Variants in FAT1 observed in about 807,000 individuals in gnomAD.
FAT1 encodes protocadherin Fat 1.
A neutral mutation model predicts 329.8 loss-of-function variants in FAT1; 171 were observed. The observed-to-expected ratio is 0.52, with a 90% CI of 0.46 to 0.59. The LOEUF (loss-of-function observed/expected upper bound fraction) is 0.59. Among genes scored for constraint, FAT1 ranks in the 20% least tolerant of loss-of-function variants. The pLI is 0.00. For missense variants in FAT1, 5,672 were observed against 5,774.4 expected (o/e 0.98, Z 0.57); for synonymous variants, 2,233 against 2,228.6 (o/e 1.00, Z -0.06).
rs1387437743 is a variant in FAT1 at position 186,618,709 on chromosome 4, C to T, written c.7877G>A (p.Gly2626Asp). Residue 2626 changes from glycine to aspartate, a missense_variant, in exon 10 of 27, where the codon GGC becomes GAC. Gly to Asp is a moderately conservative substitution (Grantham distance 94, BLOSUM62 -1). Around this residue, in one of 2 missense-constraint regions of FAT1, gnomAD observed 3,966 missense variants for 3,915.2 expected, o/e 1.01. Transcript: ENST00000441802. ...VKVLASDADE[G>D]SNADITYAIE... ...GGCATAGGTGATGTCGGCATTGGAGCCCTCATCGGCATCACTTGCAAGAAC... is the reference window on the plus strand; with the variant it reads ...GGCATAGGTGATGTCGGCATTGGAGTCCTCATCGGCATCACTTGCAAGAAC... 1 of 1,613,864 alleles carries T rather than the reference C, an allele frequency of 6.2e-7. No homozygotes were observed. The highest frequency in any genetic ancestry group is 2.2e-5 in the East Asian group (1 of 44,896).
At position 186,611,793 on chromosome 4, in the gene FAT1, C is replaced by T. The variant is rs1173651857; in HGVS notation, c.9464-18G>A. On this transcript the variant is annotated intron_variant, in intron 13 of 26. Coordinates refer to ENST00000441802, the MANE Select transcript of FAT1 (RefSeq NM_005245.4). ...ATTTAATCCTATGAAGACATAAAAA[C>T]ATGTCAAAAGATTTTAAATAAAAAA... 1 of 1,510,548 alleles carries T rather than the reference C, an allele frequency of 6.6e-7. No homozygotes were observed. The highest frequency in any genetic ancestry group is 2.4e-5 in the East Asian group (1 of 41,146). 93.6% of individuals were successfully genotyped at this position (1,510,548 alleles called of 1,614,324 possible).
At chr4:186,628,841 G>A in intron 7 of FAT1, 78 bp from the exon 8 acceptor site, 1 of 1,389,794 alleles carries the variant, frequency 7.2e-7, no homozygotes, top group Non-Finnish European at 9.7e-7. Flanking sequence ...ATGAACGAAA[G>A]TCATGTATAT....
At chr4:186,661,321 G>C (rs1026866329) in intron 3 of FAT1, among the ~76,000 whole-genome samples, 2 of 152,222 alleles carry the variant, frequency 1.3e-5, no homozygotes, top group African/African-American at 4.8e-5. Flanking sequence ...CCTCATTCCA[G>C]AGAGGGTCCC....
At position 186,620,258 on chromosome 4, in the gene FAT1, T is replaced by C. The variant is rs2126513905; in HGVS notation, c.6328A>G (p.Ser2110Gly). Reference sequence around the variant, plus strand: ...TAATGCACTTCCCCGTTTCTGCCACTGTCTCTGTCTACAGCAGTGACATAG... The same window carrying C: ...TAATGCACTTCCCCGTTTCTGCCACCGTCTCTGTCTACAGCAGTGACATAG... ...IRYVTAVDRD[S>G]GRNGEVHYYL... The change falls in exon 10 of 27, where the codon AGT (serine) becomes GGT (glycine). Residue 2110 changes from serine (S) to glycine (G), a missense_variant. By Grantham distance (56) the Ser-to-Gly change is moderately conservative. Around this residue, in one of 2 missense-constraint regions of FAT1, gnomAD observed 3,966 missense variants for 3,915.2 expected, o/e 1.01. Coordinates refer to ENST00000441802, the MANE Select transcript of FAT1 (RefSeq NM_005245.4). The C allele has an allele frequency of 1.9e-6, 3 of 1,614,028 alleles. No individual in the cohort carries two copies. Among genetic ancestry groups the C allele is most frequent in the African/African-American group, 1.3e-5 (1 of 75,050 alleles).
At chr4:186,722,950 T>A (rs926262889) in intron 1 of FAT1, among the ~76,000 whole-genome samples, 4 of 152,052 alleles carry the variant, frequency 2.6e-5, no homozygotes, top group African/African-American at 9.7e-5. Flanking sequence ...TCCTAACTCA[T>A]ACAATTGCGT....
rs757470084 is a variant in FAT1 at position 186,619,321 on chromosome 4, A to G, written c.7265T>C (p.Ile2422Thr). Residue 2422 changes from isoleucine to threonine, a missense_variant, in exon 10 of 27, where the codon ATA (isoleucine) becomes ACA (threonine). Physicochemically the swap from Ile to Thr is moderately conservative, Grantham distance 89. Around this residue, in one of 2 missense-constraint regions of FAT1, gnomAD observed 3,966 missense variants for 3,915.2 expected, o/e 1.01. Transcript: ENST00000441802. ...CAGAATGGAATACTGCAACTTGTCTATGTCTGAACTGTCTGCATCATAGGC... is the reference window on the plus strand; with the variant it reads ...CAGAATGGAATACTGCAACTTGTCTGTGTCTGAACTGTCTGCATCATAGGC... Reference protein sequence around the residue: ...VKAYDADSSDIDKLQYSILSG... With the variant: ...VKAYDADSSDTDKLQYSILSG... The G allele has an allele frequency of 2.5e-6, 4 of 1,614,022 alleles. No individual in the cohort carries two copies. The Admixed American group carries it at 5.0e-5, about 20-fold the overall frequency.
chr4:186,588,715 G>T lies in FAT1; in HGVS notation c.13644C>A (p.Asp4548Glu), dbSNP rs779949968. ...SVYASTASCS[D>E]VSACCEVESE... ...ACTCCACTTCGCAGCAGGCTGACACGTCAGAGCAGGAGGCGGTGGAGGCGT... is the reference window on the plus strand; with the variant it reads ...ACTCCACTTCGCAGCAGGCTGACACTTCAGAGCAGGAGGCGGTGGAGGCGT... Residue 4548 changes from aspartate (D) to glutamate (E), a missense_variant, in exon 27 of 27, where the codon GAC becomes GAA. Transcript: ENST00000441802. 1.2e-6 allele frequency: 2 copies of T among 1,613,850 alleles called. No homozygotes were observed. The highest frequency in any genetic ancestry group is 2.7e-5 in the African/African-American group (2 of 74,904).
rs772868178 is a variant in FAT1, at chr4:186,620,741, C to G, written c.5845G>C (p.Glu1949Gln). 1.2e-6 allele frequency: 2 copies of G among 1,613,990 alleles called. No individual in the cohort carries two copies. Among genetic ancestry groups the G allele is most frequent in the Non-Finnish European group, 1.7e-6 (2 of 1,179,880 alleles). ...CCATCGGAAGCTCTAACGGTTAGCT[C>G]GTAGCGGCTTCTTAACTGAGTTGTG... ...QNTTQLRSRY[E>Q]LTVRASDGRF... The change falls in exon 10 of 27, where the codon GAG becomes CAG. Residue 1949 changes from glutamate (E) to glutamine (Q), a missense_variant. By Grantham distance (29) the Glu-to-Gln change is conservative. Transcript: ENST00000441802.
At chr4:186,672,253 TTA>T (rs1186430753) in intron 2 of FAT1, among the ~76,000 whole-genome samples, 1 of 152,148 alleles carries the variant, frequency 6.6e-6, no homozygotes, top group African/African-American at 2.4e-5. Flanking sequence ...TATAAATATT[TTA>T]TGTTTTTGAT....
At chr4:186,631,117 G>A (rs987466100) in intron 7 of FAT1, among the ~76,000 whole-genome samples, 4 of 152,102 alleles carry the variant, frequency 2.6e-5, no homozygotes, top group Admixed American at 2.6e-4. Context: ...TTCTCAAATC[G>A]GCATCTGCTG....
rs957371869 is a variant in FAT1, at chr4:186,596,418, C to T, written c.13000+122G>A. ...TCCAAAAAAGTTTCAAATCATCATA[C>T]GGATTTCAGTCTGAGCATACTTGTC... On this transcript the variant is annotated intron_variant, in intron 25 of 26. Transcript: ENST00000441802. The surrounding 1 kb of genome is among the most constrained non-coding windows in gnomAD (Gnocchi z 4.7). The T allele has an allele frequency of 1.1e-5, 12 of 1,123,306 alleles. No homozygotes were observed. The highest frequency in any genetic ancestry group is 5.1e-5 in the East Asian group (2 of 39,388). The allele number at this position is 1,123,306 out of a possible 1,614,324, so 69.6% of individuals were successfully genotyped here. A position where few individuals can be genotyped will look rare whatever the true frequency, so the allele number is the denominator to read the frequency against.
At position 186,619,869 on chromosome 4, in the gene FAT1, T is replaced by A. The variant is rs1560941442; in HGVS notation, c.6717A>T (p.Ile2239=). 1 of 1,613,984 alleles carries A rather than the reference T, an allele frequency of 6.2e-7. No individual in the cohort carries two copies. The highest frequency in any genetic ancestry group is 1.1e-5 in the South Asian group (1 of 91,078). The stretch of plus-strand genomic sequence containing the variant: ...GGTGGGCCTCAAAGTCCAGAGGAGC[T>A]ATGACATTGATAACTCCAGTATTGA... The part of the protein sequence containing the change: ...INFNTGVINV[I]APLDFEAHPA... The change falls in exon 10 of 27, where the codon ATA becomes ATT. Residue 2239 remains isoleucine, a synonymous_variant. Transcript: ENST00000441802.
At position 186,707,137 on chromosome 4, in the gene FAT1, G is replaced by C. The variant is rs1579484427; in HGVS notation, c.2691C>G (p.Ala897=). 1 of 1,613,902 alleles carries C rather than the reference G, an allele frequency of 6.2e-7. No individual in the cohort carries two copies. Among genetic ancestry groups the C allele is most frequent in the Non-Finnish European group, 8.5e-7 (1 of 1,179,872 alleles). The change falls in exon 2 of 27, where the codon GCC becomes GCG. Residue 897 remains alanine (A), a synonymous_variant. Transcript: ENST00000441802. ...GAGGCTCTTCTCTGGCTTGGTCCCTGGCCTCAATCTTTAAGGAGTGCTCAT... is the reference window on the plus strand; with the variant it reads ...GAGGCTCTTCTCTGGCTTGGTCCCTCGCCTCAATCTTTAAGGAGTGCTCAT... ...LQHEHSLKIE[A]RDQAREEPQL...
chr4:186,699,048 C>T (rs569008832), intron 2 of FAT1, among the ~76,000 whole-genome samples: 3 of 152,108 alleles, frequency 2.0e-5, no homozygotes, highest in Non-Finnish European at 2.9e-5. Flanking sequence ...TATAACACCA[C>T]GTAATTTTAC....
Position 186,587,843 on chromosome 4 carries a change from T to C in FAT1, c.*749A>G, listed in dbSNP as rs1158427569. Reference sequence around the variant, plus strand: ...GTAAGAAAGACTGGCTAATGGTAGTTTTCATTAAAAACCTTTACAAGACCA... The same window carrying C: ...GTAAGAAAGACTGGCTAATGGTAGTCTTCATTAAAAACCTTTACAAGACCA... On this transcript the variant is annotated 3_prime_UTR_variant, in exon 27 of 27. Coordinates refer to ENST00000441802, the MANE Select transcript of FAT1 (RefSeq NM_005245.4). 3.8e-5 allele frequency: 8 copies of C among 209,314 alleles called. No homozygotes were observed. Among genetic ancestry groups the C allele is most frequent in the Non-Finnish European group, 5.8e-5 (6 of 102,978 alleles). 13.0% of individuals were successfully genotyped at this position (209,314 alleles called of 1,614,324 possible).
rs2126439740 is a variant in FAT1 at position 186,604,525 on chromosome 4, T to C, written c.10400A>G (p.Glu3467Gly). Residue 3467 changes from glutamate (E) to glycine (G), a missense_variant, in exon 18 of 27, where the codon GAG becomes GGG. Glu to Gly is a moderately conservative substitution (Grantham distance 98). This residue lies in a region of FAT1 where 1,706 missense variants were observed against 1,859.1 expected (regional missense o/e 0.92). Coordinates refer to ENST00000441802, the MANE Select transcript of FAT1 (RefSeq NM_005245.4). The part of the protein sequence containing the change: ...FSVLQLVVTD[E>G]DSSHNGPPFF... ...GGGTGGACCGTTATGGGAAGAATCC[T>C]CATCTGTTACTACCAGCTGCAGCAC... 1 of 1,613,664 alleles carries C rather than the reference T, an allele frequency of 6.2e-7. No individual in the cohort carries two copies. The highest frequency in any genetic ancestry group is 1.7e-4 in the Middle Eastern group (1 of 6,058).
chr4:186,607,244 G>C (rs1422323381), intron 16 of FAT1, among the ~76,000 whole-genome samples: 3 of 151,784 alleles, frequency 2.0e-5, no homozygotes, highest in African/African-American at 4.9e-5. Flanking sequence ...TTCCCAAATC[G>C]AAGGCTTCTT....
chr4:186,656,050 C>T (rs984264379), intron 3 of FAT1, among the ~76,000 whole-genome samples: 1 of 152,208 alleles, frequency 6.6e-6, no homozygotes, highest in South Asian at 2.1e-4. Flanking sequence ...CTGGGCCATA[C>T]GGGACCATGC....
rs561900237 is a variant in FAT1, at chr4:186,603,780, G to A, written c.10746C>T (p.Leu3582=). The change falls in exon 19 of 27, where the codon CTC becomes CTT. Residue 3582 remains leucine (L), a synonymous_variant. Transcript: ENST00000441802. ...QDVYDTLTYS[L]DPQMDNLFSV... ...AGAACAGGTTGTCCATCTGAGGGTC[G>A]AGACTGTAGGTTAGAGTATCATACA... 2.6e-5 allele frequency: 42 copies of A among 1,613,898 alleles called. No individual in the cohort carries two copies. The East Asian group carries it at 6.0e-4, about 23-fold the overall frequency.
Sources: gnomAD v4.1 joint callset for allele counts (sites outside exome capture counted in the v4.1 genomes callset) on GRCh38, gnomAD v4.1.1 for gene constraint, gnomAD v4.1.1 regional missense constraint, Gnocchi (gnomAD v3.1) non-coding constraint, MANE v1.5 for transcripts, NCBI Gene and HGNC (gene_info 2026-07-23, HGNC 2026-07-21) for gene names.